Variants in SNAP47 observed in about 807,000 individuals in gnomAD.
SNAP47 encodes the protein synaptosomal-associated protein 47.
A neutral mutation model predicts 31.4 loss-of-function variants in SNAP47; 20 were observed. That is an observed-to-expected ratio of 0.64 (90% confidence interval 0.45 to 0.93). The LOEUF is 0.93. SNAP47 is among the 40% of genes least tolerant of loss of function. The probability of loss-of-function intolerance (pLI) is 0.00; values close to 1 mark genes in which losing one functional copy is unlikely to be tolerated. For missense variants in SNAP47, 492 were observed against 528.5 expected (o/e 0.93, Z 0.68); for synonymous variants, 194 against 213.4 (o/e 0.91, Z 0.79).
At chr1:227,755,785 A>C (rs953956572) in intron 2 of SNAP47, among the ~76,000 whole-genome samples, 2 of 150,198 alleles carry the variant, frequency 1.3e-5, no homozygotes, top group African/African-American at 4.9e-5. Context: ...ACAGGAATGC[A>C]CCCACAGGCA....
At chr1:227,753,033 T>C (rs1662475434) in intron 2 of SNAP47, among the ~76,000 whole-genome samples, 1 of 152,238 alleles carries the variant, frequency 6.6e-6, no homozygotes, top group Non-Finnish European at 1.5e-5. Flanking sequence ...AGGTCCTGTT[T>C]TCCCAAGGCA....
chr1:227,729,615 G>A (rs1161128848), intron 1 of SNAP47, among the ~76,000 whole-genome samples: 2 of 152,116 alleles, frequency 1.3e-5, no homozygotes, highest in South Asian at 2.1e-4. Context: ...CTGCCCCTTC[G>A]GCTGGGTCAG....
chr1:227,733,110 C>A, upstream of SNAP47: 3 of 1,472,034 alleles, frequency 2.0e-6, no homozygotes, highest in Non-Finnish European at 2.8e-6. Flanking sequence ...CAGGAACCCA[C>A]TGTGGGGTCC....
chr1:227,746,810 T>G (rs952685890), intron 1 of SNAP47: 2 of 152,284 alleles, frequency 1.3e-5, no homozygotes, highest in African/African-American at 4.8e-5. Context: ...CCCTTGGACC[T>G]TTCTCTGCTG....
chr1:227,777,404 G>A (rs1664226743), intron 4 of SNAP47, among the ~76,000 whole-genome samples: 2 of 152,176 alleles, frequency 1.3e-5, no homozygotes, highest in Non-Finnish European at 2.9e-5. Context: ...GGAGTGTGGG[G>A]CTGTTGGGGT....
At chr1:227,757,166 G>C (rs2102946822) in intron 2 of SNAP47, among the ~76,000 whole-genome samples, 1 of 152,352 alleles carries the variant, frequency 6.6e-6, no homozygotes, top group Non-Finnish European at 1.5e-5. Flanking sequence ...AGCTGAAGGA[G>C]TGGAGCCAGC....
Position 227,737,185 on chromosome 1 carries a change from T to A in SNAP47, c.-46+1686T>A, listed in dbSNP as rs140882969. Among the ~76,000 whole-genome samples, 218 of 152,232 alleles carry A rather than the reference T, an allele frequency of 1.4e-3. 1 individual carries two copies. The highest frequency in any genetic ancestry group is 2.4e-3 in the Non-Finnish European group (166 of 67,996). On this transcript the variant is annotated intron_variant, in intron 1 of 4. Transcript: ENST00000617596. The stretch of plus-strand genomic sequence containing the variant: ...TGTATGTCTTGGTGTGCTGGAGAAA[T>A]CAGCTCAAAGCTACCCACATGGATG...
At chr1:227,738,875 G>T (rs75549969) in intron 1 of SNAP47, among the ~76,000 whole-genome samples, 2 of 152,300 alleles carry the variant, frequency 1.3e-5, no homozygotes, top group East Asian at 3.9e-4. Flanking sequence ...GAGCATTTGG[G>T]CTAGCAGGTC....
intron 2 of SNAP47, among the ~76,000 whole-genome samples, chr1:227,754,815 A>C (rs1315486197): frequency 6.6e-6 from 1 of 152,190 alleles, no homozygotes; most frequent in South Asian, 2.1e-4. Context: ...GTGAGAGGGA[A>C]TCAAAAGTGT....
intron 3 of SNAP47, among the ~76,000 whole-genome samples, chr1:227,764,086 G>A (rs751117273): frequency 6.6e-6 from 1 of 152,172 alleles, no homozygotes; most frequent in Non-Finnish European, 1.5e-5. Context: ...TCCTACTCCC[G>A]GACAGTCGAG....
intron 2 of SNAP47, among the ~76,000 whole-genome samples, chr1:227,755,349 T>C (rs1662630317): frequency 1.3e-5 from 2 of 152,092 alleles, no homozygotes; most frequent in African/African-American, 4.8e-5. Context: ...ACCACAGGCA[T>C]GCATTACCAT....
At chr1:227,736,475 T>A (rs971015414) in intron 1 of SNAP47, 1 of 143,326 alleles carries the variant, frequency 7.0e-6, no homozygotes, top group African/African-American at 2.6e-5. Context: ...AAGAAAGAAG[T>A]GCTAAATGCA....
intron 2 of SNAP47, among the ~76,000 whole-genome samples, chr1:227,749,831 TCTG>T (rs1662230173): frequency 6.6e-6 from 1 of 152,160 alleles, no homozygotes; most frequent in African/African-American, 2.4e-5. Context: ...GTGTGTGTCA[TCTG>T]TGTGTGTGTG....
At chr1:227,775,735 A>G in intron 4 of SNAP47, 1 of 1,294,590 alleles carries the variant, frequency 7.7e-7, no homozygotes, top group Non-Finnish European at 1.0e-6. Flanking sequence ...TTTTGCCTTT[A>G]TAAACAAAAT....
At chr1:227,755,893 G>T (rs375419336) in intron 2 of SNAP47, among the ~76,000 whole-genome samples, 1 of 152,174 alleles carries the variant, frequency 6.6e-6, no homozygotes, top group African/African-American at 2.4e-5. Flanking sequence ...AACGCCAGGG[G>T]GCCACTTTTA....
intron 1 of SNAP47, among the ~76,000 whole-genome samples, chr1:227,738,839 G>A (rs543748885): frequency 1.3e-5 from 2 of 152,322 alleles, no homozygotes; most frequent in South Asian, 2.1e-4. Context: ...CTGCAGCTCC[G>A]TGGTTGAGCC....
At chr1:227,732,602 C>T (rs202034599), upstream of SNAP47, 3 of 1,613,534 alleles carry the variant, frequency 1.9e-6, no homozygotes, top group Admixed American at 3.3e-5. Context: ...GGACCAGGAG[C>T]CTCTTCTCAG....
At position 227,759,228 on chromosome 1, in the gene SNAP47, C is replaced by T; in HGVS notation, c.731C>T (p.Ser244Phe). ...VSGLEIHDSSSLLMHRFERED... is the reference protein window; with the variant it reads ...VSGLEIHDSSFLLMHRFERED... ...GGGTTGGAAATACATGACTCCAGTTCTTTGCTCATGCACAGGTTTGAAAGA... is the reference window on the plus strand; with the variant it reads ...GGGTTGGAAATACATGACTCCAGTTTTTTGCTCATGCACAGGTTTGAAAGA... Residue 244 changes from serine (S) to phenylalanine (F), a missense_variant, in exon 3 of 5, where the codon TCT becomes TTT. By Grantham distance (155) the Ser-to-Phe change is radical (BLOSUM62 -2). Transcript: ENST00000617596. The T allele has an allele frequency of 6.2e-7, 1 of 1,614,218 alleles. No homozygotes were observed. The highest frequency in any genetic ancestry group is 8.5e-7 in the Non-Finnish European group (1 of 1,180,054).
At chr1:227,744,217 T>C (rs925289218) in intron 1 of SNAP47, 1 of 151,418 alleles carries the variant, frequency 6.6e-6, no homozygotes, top group Admixed American at 6.6e-5. Context: ...TGTGGGTTGT[T>C]GAATCCACGG....
Sources: gnomAD v4.1 joint callset for allele counts (sites outside exome capture counted in the v4.1 genomes callset) on GRCh38, gnomAD v4.1.1 for gene constraint, MANE v1.5 for transcripts, NCBI Gene and HGNC (gene_info 2026-07-23, HGNC 2026-07-21) for gene names.